The following MTMR11 variants were observed in gnomAD, a reference collection of about 807,000 sequenced individuals.
MTMR11 encodes myotubularin-related protein 11.
In MTMR11, 89 loss-of-function variants were observed where a neutral mutation model predicts 100.0. The ratio of observed to expected loss-of-function variants is 0.89; its 90% CI spans 0.75 to 1.06. The LOEUF (loss-of-function observed/expected upper bound fraction) is 1.06. Ranked by LOEUF, MTMR11 falls within the 50% of genes least tolerant of loss-of-function variation. The pLI, the probability that MTMR11 is intolerant of heterozygous loss-of-function variation, is 0.00. For synonymous variants in MTMR11, 336 were observed against 326.3 expected, an observed-to-expected ratio of 1.03 and a Z score of -0.32; for missense variants, 809 against 873.7, an observed-to-expected ratio of 0.93 and a Z score of 0.93.
At chr1:149,931,710 T>G in intron 12 of MTMR11, 1 of 580,422 alleles carries the variant, frequency 1.7e-6, no homozygotes, top group Non-Finnish European at 3.0e-6. Context: ...AACCCCAGTC[T>G]CCATCCGCTG....
At position 149,933,899 on chromosome 1, in the gene MTMR11, C is replaced by A; in HGVS notation, c.727G>T (p.Glu243Ter). ...AAGTGGCCAAATGCTCTCCTGACCTCACTGTCCAGAATTCGGTTAGGGACC... is the reference window on the plus strand; with the variant it reads ...AAGTGGCCAAATGCTCTCCTGACCTAACTGTCCAGAATTCGGTTAGGGACC... The part of the protein sequence containing the change: ...FWVPNRILDS[E>*]VRRAFGHFHQ... The change falls in exon 8 of 17, where the codon GAG becomes TAG. Residue 243 changes from glutamate (E) to a stop codon, truncating the protein, a stop_gained. Coordinates refer to ENST00000439741, the MANE Select transcript of MTMR11 (RefSeq NM_001145862.2). LOFTEE classifies it high-confidence loss of function. The A allele has an allele frequency of 6.2e-7, 1 of 1,614,236 alleles. No individual in the cohort carries two copies.
chr1:149,928,881 T>A lies in MTMR11; in HGVS notation c.*248A>T, dbSNP rs1553766626. On this transcript the variant is annotated 3_prime_UTR_variant, in exon 17 of 17. Transcript: ENST00000439741. ...GATCTCATGATTTAACATCTGGTTA[T>A]CCAGAAGGGATGGGATTGGCCTAAA... 6.2e-7 allele frequency: 1 copy of A among 1,613,878 alleles called. No individual in the cohort carries two copies. The highest frequency in any genetic ancestry group is 1.7e-5 in the Admixed American group (1 of 60,016).
chr1:149,935,050 C>T lies in MTMR11; in HGVS notation c.404G>A (p.Gly135Asp). 1 of 1,614,126 alleles carries T rather than the reference C, an allele frequency of 6.2e-7. No homozygotes were observed. The highest frequency in any genetic ancestry group is 8.5e-7 in the Non-Finnish European group (1 of 1,180,030). ...KFIPEEILIHGRDFRLLRVGF... is the reference protein window; with the variant it reads ...KFIPEEILIHDRDFRLLRVGF... ...AACTCTGAGCAGCCGGAAGTCTCGG[C>T]CATGAATCAGAATCTCCTCAGGGAT... is the stretch of plus-strand genomic sequence containing the variant. The change falls in exon 5 of 17, where the codon GGC becomes GAC. Residue 135 changes from glycine to aspartate, a missense_variant. Coordinates refer to ENST00000439741, the MANE Select transcript of MTMR11 (RefSeq NM_001145862.2).
At position 149,933,692 on chromosome 1, in the gene MTMR11, A is replaced by T; in HGVS notation, c.778T>A (p.Ser260Thr). Residue 260 changes from serine (S) to threonine (T), a missense_variant, in exon 9 of 17, where the codon TCC becomes ACC. By Grantham distance (58) the Ser-to-Thr change is moderately conservative. Coordinates refer to ENST00000439741, the MANE Select transcript of MTMR11 (RefSeq NM_001145862.2). The stretch of plus-strand genomic sequence containing the variant: ...TCACTGCCCCCAGGGTGATGCCAGG[A>T]CAAGCGCTTCACATGGGGCAGAAGA... ...HFHQGRGPRL[S>T]WHHPGGSDLL... 2 of 1,614,162 alleles carry T rather than the reference A, an allele frequency of 1.2e-6. No individual in the cohort carries two copies. The highest frequency in any genetic ancestry group is 1.7e-6 in the Non-Finnish European group (2 of 1,180,028).
At chr1:149,931,806 G>A (rs2092663911) in intron 12 of MTMR11, 138 bp downstream of exon 12, 2 of 731,696 alleles carry the variant, frequency 2.7e-6, no homozygotes, top group East Asian at 2.7e-5. Flanking sequence ...AGCACTGAAG[G>A]ATGAGAGTAG....
chr1:149,930,933 G>C lies in MTMR11; in HGVS notation c.1323C>G (p.Val441=). Residue 441 remains valine, a synonymous_variant, in exon 14 of 17, where the codon GTC becomes GTG. Coordinates refer to ENST00000439741, the MANE Select transcript of MTMR11 (RefSeq NM_001145862.2). ...CTGGAAACTGCTGGAGGAGCTGCCA[G>C]ACACAATCAAGGAAGAGGAGAAACA... The part of the protein sequence containing the change: ...APVFLLFLDC[V]WQLLQQFPAD... 1 of 1,610,370 alleles carries C rather than the reference G, an allele frequency of 6.2e-7. No homozygotes were observed. Among genetic ancestry groups the C allele is most frequent in the Non-Finnish European group, 8.5e-7 (1 of 1,178,920 alleles).
chr1:149,930,400 C>A lies in MTMR11; in HGVS notation c.1612G>T (p.Glu538Ter). ...GGGAGCCAGGAATCTGGACAGTGTT[C>A]TGGGTCATAGCCAGGATTCTGGAAT... ...LQFQNPGYDPEHCPDSWLPRP... is the reference protein window; with the variant it reads ...LQFQNPGYDP The change falls in exon 15 of 17, where the codon GAA becomes TAA. Residue 538 changes from glutamate (E) to a stop codon, truncating the protein, a stop_gained. Transcript: ENST00000439741. LOFTEE classifies it high-confidence loss of function. 1 of 1,613,998 alleles carries A rather than the reference C, an allele frequency of 6.2e-7. No homozygotes were observed. Among genetic ancestry groups the A allele is most frequent in the Non-Finnish European group, 8.5e-7 (1 of 1,179,884 alleles).
In MTMR11 at chr1:149,933,934, C is replaced by T. The variant is rs114172447; in HGVS notation, c.692G>A (p.Arg231His). The change falls in exon 8 of 17, where the codon CGT (arginine) becomes CAT (histidine). Residue 231 changes from arginine (R) to histidine (H), a missense_variant. By Grantham distance (29) the Arg-to-His change is conservative (BLOSUM62 0). Coordinates refer to ENST00000439741, the MANE Select transcript of MTMR11 (RefSeq NM_001145862.2). ...ERFDVATSLP[R>H]YFWVPNRILD... is the part of the protein sequence containing the mutation. Reference sequence around the variant, plus strand: ...AATTCGGTTAGGGACCCAGAAGTAACGGGGGAGGCTGTGAAATGAGAGTGA... The same window carrying T: ...AATTCGGTTAGGGACCCAGAAGTAATGGGGGAGGCTGTGAAATGAGAGTGA... The T allele has an allele frequency of 1.9e-5, 31 of 1,613,834 alleles. No homozygotes were observed. The South Asian group carries it at 2.3e-4, about 12-fold the overall frequency.
chr1:149,935,534 C>T (rs369597702), intron 3 of MTMR11, 50 bp downstream of exon 3: 194 of 1,606,314 alleles, frequency 1.2e-4, no homozygotes, highest in Middle Eastern at 1.2e-3. Flanking sequence ...TGCTAGACTC[C>T]CCTACCCATT....
At position 149,936,072 on chromosome 1, in the gene MTMR11, G is replaced by A; in HGVS notation, c.142+82C>T. ...ACTTCGAGCCACGAGAGGAACACAG[G>A]GGTATCTTTGGTGAGGGCATGAAAC... On this transcript the variant is annotated intron_variant, in intron 2 of 16. Transcript: ENST00000439741. 1.1e-5 allele frequency: 16 copies of A among 1,417,818 alleles called. No individual in the cohort carries two copies. The South Asian group carries it at 1.6e-4, about 14-fold the overall frequency. The allele number at this position is 1,417,818 out of a possible 1,614,324, so 87.8% of individuals were successfully genotyped here.
Position 149,930,367 on chromosome 1 carries a change from G to A in MTMR11, c.1645C>T (p.Gln549Ter). Residue 549 changes from glutamine to a stop codon, truncating the protein, a stop_gained and splice_region_variant, in exon 15 of 17, where the codon CAG becomes TAG. Coordinates refer to ENST00000439741, the MANE Select transcript of MTMR11 (RefSeq NM_001145862.2). LOFTEE classifies it high-confidence loss of function. ...TTTAGGAAGTTTAGACACTTCACCT[G>A]TGGTCTAGGGAGCCAGGAATCTGGA... ...HCPDSWLPRPQPSFMVPGPPS... is the reference protein window; with the variant it reads ...HCPDSWLPRP 1.2e-6 allele frequency: 2 copies of A among 1,612,420 alleles called. No homozygotes were observed. The highest frequency in any genetic ancestry group is 1.7e-6 in the Non-Finnish European group (2 of 1,178,830).
Position 149,933,550 on chromosome 1 carries a change from G to A in MTMR11, c.861-20C>T. On this transcript the variant is annotated intron_variant, in intron 9 of 16. Coordinates refer to ENST00000439741, the MANE Select transcript of MTMR11 (RefSeq NM_001145862.2). ...ACTGCTCTGGAGGGGAGGGAGTCAG[G>A]AAATAAGGAGTCTACCCTGAGCACC... The A allele has an allele frequency of 6.2e-7, 1 of 1,614,008 alleles. No homozygotes were observed. The highest frequency in any genetic ancestry group is 8.5e-7 in the Non-Finnish European group (1 of 1,179,936).
In MTMR11 at chr1:149,929,886, A is replaced by T; in HGVS notation, c.1678T>A (p.Ser560Thr). 2 of 1,613,484 alleles carry T rather than the reference A, an allele frequency of 1.2e-6. No individual in the cohort carries two copies. Among genetic ancestry groups the T allele is most frequent in the Non-Finnish European group, 1.7e-6 (2 of 1,179,572 alleles). The part of the protein sequence containing the change: ...PSFMVPGPPS[S>T]VWLFSRGALT... ...GCTCCTCTAGAGAAGAGCCACACAG[A>T]ACTGGGGGGTCCAGGAACCATGAAG... is the stretch of plus-strand genomic sequence containing the variant. The change falls in exon 16 of 17, where the codon TCT becomes ACT. Residue 560 changes from serine (S) to threonine (T), a missense_variant. Physicochemically the swap from Ser to Thr is moderately conservative, Grantham distance 58 (BLOSUM62 1). Coordinates refer to ENST00000439741, the MANE Select transcript of MTMR11 (RefSeq NM_001145862.2).
chr1:149,936,014 TGTCAGGGAGGACA>T (rs2092716565), intron 2 of MTMR11, 127 bp downstream of exon 2: 1 of 951,580 alleles, frequency 1.1e-6, no homozygotes, highest in Non-Finnish European at 1.7e-6. Flanking sequence ...CTCTAGAGGC[TGTCAGGGAGGACA>T]GCGAGCCTCA....
chr1:149,929,569 G>A, intron 16 of MTMR11, 54 bp downstream of exon 16: 1 of 1,542,578 alleles, frequency 6.5e-7, no homozygotes, highest in Non-Finnish European at 8.7e-7. Flanking sequence ...CTGTTCATCT[G>A]GTTCAGCAGA....
At chr1:149,930,748 C>G in intron 14 of MTMR11, 44 bp downstream of exon 14, 1 of 1,514,172 alleles carries the variant, frequency 6.6e-7, no homozygotes, top group Non-Finnish European at 8.8e-7. Flanking sequence ...GAGAGTACAT[C>G]TCAATGGAAA....
Position 149,933,846 on chromosome 1 carries a change from C to A in MTMR11, c.771+9G>T, listed in dbSNP as rs1355627871. On this transcript the variant is annotated intron_variant, in intron 8 of 16. Transcript: ENST00000439741. ...AATCCACAGCCATTACCCTAACCATCACACTGACCGGTCCACGGCCCTGAT... is the reference window on the plus strand; with the variant it reads ...AATCCACAGCCATTACCCTAACCATAACACTGACCGGTCCACGGCCCTGAT... 1.4e-5 allele frequency: 22 copies of A among 1,613,644 alleles called. No individual in the cohort carries two copies. Among genetic ancestry groups the A allele is most frequent in the Non-Finnish European group, 1.9e-5 (22 of 1,179,640 alleles).
chr1:149,936,431 C>T, intron 1 of MTMR11, 151 bp downstream of exon 1: 1 of 1,415,008 alleles, frequency 7.1e-7, no homozygotes, highest in Middle Eastern at 1.8e-4. Flanking sequence ...GAACTTGAGA[C>T]TGAGAAAGAC....
At chr1:149,930,608 A>G in intron 14 of MTMR11, 61 bp from the exon 15 acceptor site, 1 of 1,468,374 alleles carries the variant, frequency 6.8e-7, no homozygotes, top group Non-Finnish European at 9.3e-7. Context: ...CTAGAGACAA[A>G]TCATGAGATT....
Sources: allele counts gnomAD v4.1 joint callset, GRCh38; gene constraint gnomAD v4.1.1; transcripts MANE v1.5; gene names NCBI Gene and HGNC (gene_info 2026-07-23, HGNC 2026-07-21).